The following MICAL2 variants were observed in gnomAD, a reference collection of about 807,000 sequenced individuals.
MICAL2 encodes microtubule associated monooxygenase, calponin and LIM domain containing 2.
In MICAL2, 77 loss-of-function variants were observed where a neutral mutation model predicts 127.3. The observed-to-expected ratio is 0.60, with a 90% CI of 0.50 to 0.73. MICAL2 has a LOEUF of 0.73. Ranked by LOEUF, MICAL2 falls within the 30% of genes least tolerant of loss-of-function variation. The pLI is 0.00. For missense variants in MICAL2, 1,351 were observed against 1,434.4 expected, an observed-to-expected ratio of 0.94 and a Z score of 0.94; for synonymous variants, 570 against 551.1, an observed-to-expected ratio of 1.03 and a Z score of -0.48.
At chr11:12,145,819 G>A (rs1451653043) in intron 2 of MICAL2, among the ~76,000 whole-genome samples, 1 of 152,206 alleles carries the variant, frequency 6.6e-6, no homozygotes, top group Non-Finnish European at 1.5e-5. Context: ...TGCCAGTTGG[G>A]TGGACGGCCC....
At chr11:12,304,260 G>C in intron 29 of MICAL2, among the ~76,000 whole-genome samples, 1 of 151,792 alleles carries the variant, frequency 6.6e-6, no homozygotes, top group South Asian at 2.1e-4. Flanking sequence ...ATAGATTTTT[G>C]GGTATTCTGT....
At chr11:12,137,183 G>T (rs1329421661) in intron 1 of MICAL2, among the ~76,000 whole-genome samples, 1 of 152,230 alleles carries the variant, frequency 6.6e-6, no homozygotes, top group Non-Finnish European at 1.5e-5. Context: ...AGCCCCGAGG[G>T]GTGTGGGCTT....
intron 32 of MICAL2, among the ~76,000 whole-genome samples, chr11:12,342,148 G>A (rs1275443542): frequency 6.6e-6 from 1 of 152,232 alleles, no homozygotes; most frequent in Non-Finnish European, 1.5e-5. Context: ...CGGAAGAAAG[G>A]GCTGGAGAAC....
At chr11:12,276,368 G>C in intron 1 of MICAL2, 1 of 391,306 alleles carries the variant, frequency 2.6e-6, no homozygotes, top group East Asian at 3.6e-5. Context: ...TAAGTGTATA[G>C]AACAGTGCCC....
intron 16 of MICAL2, among the ~76,000 whole-genome samples, chr11:12,238,099 T>A (rs1439806141): frequency 2.0e-5 from 3 of 151,972 alleles, no homozygotes; most frequent in East Asian, 3.9e-4. Context: ...GGGATCTTTT[T>A]AAAAAAAAAT....
At chr11:12,292,445 A>G, downstream of MICAL2, 1 of 833,480 alleles carries the variant, frequency 1.2e-6, no homozygotes, top group Non-Finnish European at 1.9e-6. Flanking sequence ...TCAAGGGTCT[A>G]CCCCAGCTGC....
intron 3 of MICAL2, among the ~76,000 whole-genome samples, chr11:12,202,062 C>T (rs1434447529): frequency 2.0e-5 from 3 of 151,960 alleles, no homozygotes; most frequent in Non-Finnish European, 4.4e-5. Flanking sequence ...ACAGAGGTTG[C>T]GGTGAGCCAA....
rs752600866 is a variant in MICAL2, at chr11:12,162,137, C to A, written c.-19C>A. ...ACCTGTGTCCTCGCCGCACCACTGC[C>A]GCACACGACTCCTGAACCATGGGGG... On this transcript the variant is annotated 5_prime_UTR_variant, in exon 3 of 28. Transcript: ENST00000683283. 1.2e-5 allele frequency: 19 copies of A among 1,613,742 alleles called. No individual in the cohort carries two copies. The highest frequency in any genetic ancestry group is 2.2e-5 in the East Asian group (1 of 44,880).
chr11:12,204,903 A>G (rs755431798), intron 4 of MICAL2, among the ~76,000 whole-genome samples: 7 of 152,176 alleles, frequency 4.6e-5, no homozygotes, highest in Non-Finnish European at 1.0e-4. Flanking sequence ...GGGCCACACA[A>G]AACCATTAAT....
intron 26 of MICAL2, chr11:12,262,274 C>T (rs771689374): frequency 3.3e-5 from 47 of 1,423,912 alleles, no homozygotes; most frequent in Non-Finnish European, 4.2e-5. Flanking sequence ...CATCCACTCT[C>T]GTAAACAAGT....
intron 15 of MICAL2, among the ~76,000 whole-genome samples, chr11:12,229,437 G>A (rs1212180863): frequency 3.3e-5 from 5 of 152,174 alleles, no homozygotes; most frequent in African/African-American, 4.8e-5. Context: ...GGGTACCAGC[G>A]GTCAGCTTGT....
intron 2 of MICAL2, among the ~76,000 whole-genome samples, chr11:12,142,262 G>A (rs1233237255): frequency 1.3e-5 from 2 of 152,222 alleles, no homozygotes; most frequent in East Asian, 3.8e-4. Flanking sequence ...TGGAGAGGTT[G>A]AGGCTTCTTA....
intron 3 of MICAL2, among the ~76,000 whole-genome samples, chr11:12,164,783 G>T (rs577181412): frequency 2.2e-4 from 33 of 152,220 alleles, no homozygotes; most frequent in Non-Finnish European, 3.4e-4. Context: ...AGCATCACAT[G>T]ATTGATGTGA....
chr11:12,213,528 G>T (rs1394373450), intron 7 of MICAL2, 118 bp downstream of exon 7: 9 of 981,424 alleles, frequency 9.2e-6, no homozygotes, highest in Non-Finnish European at 1.3e-5. Flanking sequence ...CACTCTGATA[G>T]AGTGGAAGCA....
chr11:12,342,581 G>A (rs980351935), intron 32 of MICAL2, among the ~76,000 whole-genome samples: 2 of 152,214 alleles, frequency 1.3e-5, no homozygotes, highest in African/African-American at 4.8e-5. Flanking sequence ...GGTAGGTGTG[G>A]TATGGTATAG....
At chr11:12,358,675 C>T (rs928883566), downstream of MICAL2, 15 of 434,430 alleles carry the variant, frequency 3.5e-5, no homozygotes, top group Middle Eastern at 6.5e-4. Context: ...ATGAAGAAAA[C>T]CCAAAGACTC....
At position 12,118,155 on chromosome 11, in the gene MICAL2, T is replaced by C. The variant is rs1046127624; in HGVS notation, c.-149+7429T>C. ...GCTTGGGCGTGTTGGTTATCTTGTA[T>C]CTTGGGCTTTCTTAAAAGTGACTTA... On this transcript the variant is annotated intron_variant, in intron 1 of 27. Coordinates refer to ENST00000683283, the MANE Select transcript of MICAL2 (RefSeq NM_001282663.2). Among the ~76,000 whole-genome samples, 5 of 152,190 alleles carry C rather than the reference T, an allele frequency of 3.3e-5. No homozygotes were observed. The East Asian group carries it at 9.6e-4, about 29-fold the overall frequency.
intron 32 of MICAL2, among the ~76,000 whole-genome samples, chr11:12,340,829 T>C (rs10831794): frequency 0.14 from 21,180 of 151,968 alleles, 1,737 homozygotes; most frequent in South Asian, 0.24. Flanking sequence ...GAAAAACTAA[T>C]TTTTTTGTTT....
intron 32 of MICAL2, among the ~76,000 whole-genome samples, chr11:12,340,919 C>T (rs1565310294): frequency 1.3e-5 from 2 of 152,146 alleles, no homozygotes. Context: ...CAGCTGCATG[C>T]TCTGACTCCC....
Sources: allele counts gnomAD v4.1 joint callset (sites outside exome capture counted in the v4.1 genomes callset), GRCh38; gene constraint gnomAD v4.1.1; transcripts MANE v1.5; gene names NCBI Gene and HGNC (gene_info 2026-07-23, HGNC 2026-07-21).